The following PCGF2 variants were observed in gnomAD, a reference collection of about 807,000 sequenced individuals.
The protein encoded by PCGF2 is polycomb group ring finger 2.
In PCGF2, 8 loss-of-function variants were observed where a neutral mutation model predicts 36.1. The ratio of observed to expected loss-of-function variants is 0.22; its 90% CI spans 0.13 to 0.40. The LOEUF (loss-of-function observed/expected upper bound fraction) is 0.40, where lower values mean the gene tolerates loss of function less well. Among genes scored for constraint, PCGF2 ranks in the 10% least tolerant of loss-of-function variants. The pLI, the probability that PCGF2 is intolerant of heterozygous loss-of-function variation, is 1.00. For missense variants in PCGF2, 436 were observed against 475.9 expected (o/e 0.92, Z 0.78); for synonymous variants, 198 against 191.2 (o/e 1.04, Z -0.29).
Position 38,739,607 on chromosome 17 carries a change from G to A in PCGF2, c.188C>T (p.Thr63Ile), listed in dbSNP as rs753001499. 9.3e-6 allele frequency: 15 copies of A among 1,613,784 alleles called. No homozygotes were observed. The highest frequency in any genetic ancestry group is 1.3e-5 in the Non-Finnish European group (15 of 1,179,816). ...CPMCDVQVHK[T>I]RPLLSIRSDK... ...CCACCTGATGCTCAGCAGCGGCCGG[G>A]TTTTATGGACCTGCACGTCACACAT... The change falls in exon 4 of 11, where the codon ACC becomes ATC. Residue 63 changes from threonine to isoleucine, a missense_variant. Physicochemically the swap from Thr to Ile is moderately conservative, Grantham distance 89 (BLOSUM62 -1). Transcript: ENST00000620225. The surrounding 1 kb of genome is among the most constrained non-coding windows in gnomAD (Gnocchi z 4.0).
intron 9 of PCGF2, among the ~76,000 whole-genome samples, chr17:38,736,957 A>T (rs1906808092): frequency 6.8e-6 from 1 of 147,388 alleles, no homozygotes. Context: ...ACATGGAGAA[A>T]CCCCGTCTCT....
upstream of PCGF2, among the ~76,000 whole-genome samples, chr17:38,748,835 C>G (rs370977053): frequency 3.6e-4 from 55 of 152,296 alleles, no homozygotes; most frequent in African/African-American, 1.3e-3. Flanking sequence ...GATTTTCATT[C>G]ACTCCAAGTG....
At chr17:38,749,588 A>G (rs1261277578), upstream of PCGF2, 1 of 453,914 alleles carries the variant, frequency 2.2e-6, no homozygotes, top group Non-Finnish European at 4.4e-6. The surrounding 1 kb of genome is among the most constrained non-coding windows in gnomAD (Gnocchi z 6.5). Context: ...TCGATTATCC[A>G]TCCGGCCAGC....
At chr17:38,736,227 G>A (rs1030105600) in intron 9 of PCGF2, 57 bp from the exon 10 acceptor site, 9 of 1,062,922 alleles carry the variant, frequency 8.5e-6, no homozygotes, top group Admixed American at 2.0e-5. Context: ...CTCCAGGCTG[G>A]GAATGTGGGG....
chr17:38,737,393 G>T (rs926056025), intron 9 of PCGF2, among the ~76,000 whole-genome samples: 1 of 151,970 alleles, frequency 6.6e-6, no homozygotes, highest in African/African-American at 2.4e-5. Context: ...AAACCAGGAG[G>T]TGGAGATTGC....
chr17:38,740,570 T>A, intron 2 of PCGF2, 128 bp from the exon 3 acceptor site: 1 of 614,410 alleles, frequency 1.6e-6, no homozygotes, highest in Non-Finnish European at 2.7e-6. Context: ...CCATCTTGAC[T>A]AACATGGTGA....
chr17:38,737,289 C>G (rs1485669482), intron 9 of PCGF2, among the ~76,000 whole-genome samples: 2 of 151,932 alleles, frequency 1.3e-5, no homozygotes, highest in African/African-American at 4.8e-5. Flanking sequence ...ATGGTGAAAC[C>G]CTGTCTATAC....
rs759394608 is a variant in PCGF2, at chr17:38,739,073, G to A, written c.311C>T (p.Thr104Met). 6.8e-6 allele frequency: 11 copies of A among 1,612,980 alleles called. No individual in the cohort carries two copies. Among genetic ancestry groups the A allele is most frequent in the Middle Eastern group, 1.9e-4 (1 of 5,282 alleles). The change falls in exon 6 of 11, where the codon ACG becomes ATG. Residue 104 changes from threonine to methionine, a missense_variant. Thr to Met is a moderately conservative substitution (Grantham distance 81). Coordinates refer to ENST00000620225, the MANE Select transcript of PCGF2 (RefSeq NM_007144.3). The surrounding 1 kb of genome is among the most constrained non-coding windows in gnomAD (Gnocchi z 4.0). ...RRDFYAAYPL[T>M]EVPNGSNEDR... The stretch of plus-strand genomic sequence containing the variant: ...ACAGACGCGAGCACACTCACCCTCC[G>A]TCAGGGGGTACGCTGCATAGAAATC...
chr17:38,737,910 CAAAA>C (rs57011839), intron 9 of PCGF2, among the ~76,000 whole-genome samples: 1 of 89,288 alleles, frequency 1.1e-5, no homozygotes, highest in Non-Finnish European at 2.1e-5. Flanking sequence ...GACTCCATCT[CAAAA>C]AAAAAAAAAA....
rs540892196 is a variant in PCGF2 at position 38,735,543 on chromosome 17, C to T, written c.715G>A (p.Ala239Thr). ...CCCTCGGAGGGGGTGGGCACCGTGG[C>T]TAGGGTGAGCCGCTTGCAGGCTGGC... ...VQPACKRLTL[A>T]TVPTPSEGTN... Residue 239 changes from alanine to threonine, a missense_variant, in exon 11 of 11, where the codon GCC becomes ACC. Physicochemically the swap from Ala to Thr is moderately conservative, Grantham distance 58. This residue lies in a region of PCGF2 where 227 missense variants were observed against 212.9 expected (regional missense o/e 1.07). Coordinates refer to ENST00000620225, the MANE Select transcript of PCGF2 (RefSeq NM_007144.3). 6.3e-7 allele frequency: 1 copy of T among 1,587,330 alleles called. No homozygotes were observed. The highest frequency in any genetic ancestry group is 1.1e-5 in the South Asian group (1 of 87,278).
Position 38,736,070 on chromosome 17 carries a change from C to T in PCGF2, c.657+20G>A, listed in dbSNP as rs138316382. On this transcript the variant is annotated intron_variant, in intron 10 of 10. Coordinates refer to ENST00000620225, the MANE Select transcript of PCGF2 (RefSeq NM_007144.3). Reference sequence around the variant, plus strand: ...ACCCTGTGGGAGTCTGCTCCCTGCCCGCCCCACTCGCTGGCTCACCCGCCG... The same window carrying T: ...ACCCTGTGGGAGTCTGCTCCCTGCCTGCCCCACTCGCTGGCTCACCCGCCG... 2,727 of 1,536,708 alleles carry T rather than the reference C, an allele frequency of 1.8e-3. 10 individuals carry two copies. The highest frequency in any genetic ancestry group is 1.3e-3 in the Non-Finnish European group (1,516 of 1,129,998).
At chr17:38,744,458 C>T (rs1383678332) in intron 2 of PCGF2, among the ~76,000 whole-genome samples, 3 of 152,134 alleles carry the variant, frequency 2.0e-5, no homozygotes, top group Non-Finnish European at 4.4e-5. Flanking sequence ...TGGATTGAAG[C>T]GATTCTCCTG....
Position 38,740,223 on chromosome 17 carries a change from G to A in PCGF2, c.112+68C>T. The A allele has an allele frequency of 5.7e-6, 8 of 1,399,198 alleles. No homozygotes were observed. The South Asian group carries it at 5.9e-5, about 10-fold the overall frequency. 86.7% of individuals were successfully genotyped at this position (1,399,198 alleles called of 1,614,324 possible). A position where few individuals can be genotyped will look rare whatever the true frequency, so the allele number is the denominator to read the frequency against. Reference sequence around the variant, plus strand: ...AAGGGTTTGCGTGCTACCTTCCTCAGGCCGTGCCCGCCCCAATCTGGGCAC... The same window carrying A: ...AAGGGTTTGCGTGCTACCTTCCTCAAGCCGTGCCCGCCCCAATCTGGGCAC... On this transcript the variant is annotated intron_variant, in intron 3 of 10. Coordinates refer to ENST00000620225, the MANE Select transcript of PCGF2 (RefSeq NM_007144.3).
In PCGF2 at chr17:38,739,555, GC is replaced by G; in HGVS notation, c.209+30del. 1 of 1,515,860 alleles carries G rather than the reference GC, an allele frequency of 6.6e-7. No individual in the cohort carries two copies. The highest frequency in any genetic ancestry group is 9.2e-7 in the Non-Finnish European group (1 of 1,090,490). The allele number at this position is 1,515,860 out of a possible 1,614,324, so 93.9% of individuals were successfully genotyped here. On this transcript the variant is annotated intron_variant, in intron 4 of 10. Coordinates refer to ENST00000620225, the MANE Select transcript of PCGF2 (RefSeq NM_007144.3). The surrounding 1 kb of genome is among the most constrained non-coding windows in gnomAD (Gnocchi z 4.0). Reference sequence around the variant, plus strand: ...ATGGGGGAGGCTGACCCAGAGGATCGCGGGGACAGGAGGTGCCGTGCCAAGC... The same window carrying G: ...ATGGGGGAGGCTGACCCAGAGGATCGGGGGACAGGAGGTGCCGTGCCAAGC...
Position 38,739,155 on chromosome 17 carries a change from G to C in PCGF2, c.266-37C>G, listed in dbSNP as rs776609583. The C allele has an allele frequency of 2.3e-5, 37 of 1,614,082 alleles. No individual in the cohort carries two copies. Among genetic ancestry groups the C allele is most frequent in the Non-Finnish European group, 3.0e-5 (35 of 1,179,948 alleles). ...CAGCAGGATGAGGACAGGGCCATGG[G>C]TTGGGAAATGGGGTCAGTGGAGGAG... is the stretch of plus-strand genomic sequence containing the variant. On this transcript the variant is annotated intron_variant, in intron 5 of 10. Coordinates refer to ENST00000620225, the MANE Select transcript of PCGF2 (RefSeq NM_007144.3). This position sits in a 1 kb window ranked among gnomAD's most constrained non-coding sequence, Gnocchi z 4.0.
intron 2 of PCGF2, among the ~76,000 whole-genome samples, chr17:38,745,107 C>A (rs769049619): frequency 6.6e-6 from 1 of 152,042 alleles, no homozygotes; most frequent in Non-Finnish European, 1.5e-5. Flanking sequence ...CCAAGACGGG[C>A]GGATCATGAG....
intron 2 of PCGF2, among the ~76,000 whole-genome samples, chr17:38,743,525 G>A (rs1002350632): frequency 1.3e-5 from 2 of 152,106 alleles, no homozygotes; most frequent in Non-Finnish European, 2.9e-5. Context: ...TTCTAGACAC[G>A]AGGCCCAAGG....
upstream of PCGF2, chr17:38,749,769 A>G (rs1224157629): frequency 4.4e-6 from 2 of 452,614 alleles, no homozygotes; most frequent in Admixed American, 4.7e-5. The surrounding 1 kb of genome is among the most constrained non-coding windows in gnomAD (Gnocchi z 6.5). Flanking sequence ...CGACCAGGAG[A>G]CCTGCGCACA....
chr17:38,743,117 G>A (rs1339934484), intron 2 of PCGF2, among the ~76,000 whole-genome samples: 11 of 136,682 alleles, frequency 8.0e-5, no homozygotes, highest in Non-Finnish European at 1.5e-4. Context: ...TTTTGAGATA[G>A]TCTTGCTCTG....
Sources: allele counts gnomAD v4.1 joint callset (sites outside exome capture counted in the v4.1 genomes callset), GRCh38; gene constraint gnomAD v4.1.1; regional missense constraint gnomAD v4.1.1; non-coding constraint Gnocchi (gnomAD v3.1); transcripts MANE v1.5; gene names NCBI Gene and HGNC (gene_info 2026-07-23, HGNC 2026-07-21).